Variants in GPM6B observed in about 807,000 individuals in gnomAD.
The protein encoded by GPM6B is glycoprotein M6B.
Under a neutral mutation model 27.2 loss-of-function variants are expected in GPM6B, and 4 were observed. That is an observed-to-expected ratio of 0.15 (90% confidence interval 0.07 to 0.34). The LOEUF (loss-of-function observed/expected upper bound fraction) is 0.34, where lower values mean the gene tolerates loss of function less well. Among genes scored for constraint, GPM6B ranks in the 10% least tolerant of loss-of-function variants. GPM6B has a pLI of 1.00. For synonymous variants in GPM6B, 124 were observed against 103.1 expected, an observed-to-expected ratio of 1.20 and a Z score of -1.23; for missense variants, 183 against 261.9, an observed-to-expected ratio of 0.70 and a Z score of 2.08.
At chrX:13,907,619 G>A (rs1160479704) in intron 1 of GPM6B, among the ~76,000 whole-genome samples, 4 of 109,885 alleles carry the variant, frequency 3.6e-5, no homozygotes, top group South Asian at 3.9e-4. Flanking sequence ...GCAGTGAGCC[G>A]AGATCACACC....
At chrX:13,849,861 C>A (rs2049694096) in intron 1 of GPM6B, among the ~76,000 whole-genome samples, 1 of 110,100 alleles carries the variant, frequency 9.1e-6, no homozygotes, top group African/African-American at 3.3e-5. Context: ...GAGTTCGATA[C>A]CAGCCTGGCC....
chrX:13,921,581 C>CCTTT (rs1555932309), intron 1 of GPM6B, among the ~76,000 whole-genome samples: 1 of 92,821 alleles, frequency 1.1e-5, no homozygotes. Context: ...AACCCCCCCC[C>CCTTT]TTTTTTTTTT....
rs1362435489 is a variant in GPM6B at position 13,865,561 on chromosome X, AAGAAAG to A, written c.-198+72760_-198+72765del. 1.7e-3 allele frequency among the ~76,000 whole-genome samples: 102 copies of A among 61,616 alleles called. 2 individuals are homozygous for A. The highest frequency in any genetic ancestry group is 5.5e-3 in the African/African-American group (97 of 17,526). The allele number at this position is 61,616 out of a possible 115,157, so 53.5% of individuals were successfully genotyped here. ...TCTCTTCAAAAAAAAAAAAAAAAAA[AAGAAAG>A]AAAGAAAGAAAAGAAAAGAAAAAAA... On this transcript the variant is annotated intron_variant, in intron 1 of 6. Coordinates refer to the GPM6B transcript ENST00000398361.
chrX:13,828,124 C>T (rs1356467414), intron 1 of GPM6B, among the ~76,000 whole-genome samples: 2 of 111,434 alleles, frequency 1.8e-5, no homozygotes, highest in Non-Finnish European at 3.8e-5. Context: ...TTTTTCTAAT[C>T]TTTGTACATG....
At chrX:13,863,935 A>C (rs2147255608) in intron 1 of GPM6B, among the ~76,000 whole-genome samples, 1 of 112,912 alleles carries the variant, frequency 8.9e-6, no homozygotes, top group South Asian at 3.7e-4. Context: ...CATAAGTGAT[A>C]ATCAAATCAG....
intron 3 of GPM6B, among the ~76,000 whole-genome samples, chrX:13,785,281 A>T (rs1225947570): frequency 9.0e-6 from 1 of 111,483 alleles, no homozygotes; most frequent in Non-Finnish European, 1.9e-5. Context: ...TGCATCTCAG[A>T]TACTTTTTTT....
chrX:13,844,803 T>C (rs1285883271), intron 1 of GPM6B, among the ~76,000 whole-genome samples: 2 of 111,683 alleles, frequency 1.8e-5, no homozygotes, highest in East Asian at 2.8e-4. Flanking sequence ...GAGCTATCTA[T>C]GGCTTAGAGT....
intron 1 of GPM6B, among the ~76,000 whole-genome samples, chrX:13,929,337 T>A (rs1245437202): frequency 9.0e-6 from 1 of 111,073 alleles, no homozygotes; most frequent in African/African-American, 3.3e-5. Flanking sequence ...ATCGAGATGG[T>A]TTAGGCACCA....
intron 3 of GPM6B, among the ~76,000 whole-genome samples, chrX:13,785,403 C>T (rs1218674638): frequency 9.0e-6 from 1 of 111,302 alleles, no homozygotes; most frequent in African/African-American, 3.3e-5. Flanking sequence ...CTGCCTCAGC[C>T]TCCCAAGTAG....
At chrX:13,923,220 G>A (rs779964099) in intron 1 of GPM6B, among the ~76,000 whole-genome samples, 2 of 110,837 alleles carry the variant, frequency 1.8e-5, no homozygotes, top group Admixed American at 1.9e-4. Flanking sequence ...GTGCTGGCTA[G>A]TGGGGGATAC....
At chrX:13,793,902 G>A (rs1427242129) in intron 2 of GPM6B, among the ~76,000 whole-genome samples, 1 of 111,758 alleles carries the variant, frequency 8.9e-6, no homozygotes. Context: ...TGCAAACTCA[G>A]AATGATTTTG....
intron 1 of GPM6B, among the ~76,000 whole-genome samples, chrX:13,889,801 C>A (rs775174010): frequency 2.7e-4 from 29 of 108,288 alleles, no homozygotes; most frequent in African/African-American, 7.9e-4. Flanking sequence ...CATGAAATAA[C>A]TACTCCCCAT....
intron 1 of GPM6B, among the ~76,000 whole-genome samples, chrX:13,910,185 C>T (rs1319391552): frequency 8.9e-6 from 1 of 112,414 alleles, no homozygotes; most frequent in East Asian, 2.8e-4. Flanking sequence ...AAAAAGTATC[C>T]TTTCCATATC....
intron 1 of GPM6B, among the ~76,000 whole-genome samples, chrX:13,852,403 T>G (rs750062270): frequency 1.8e-5 from 2 of 111,483 alleles, no homozygotes; most frequent in Non-Finnish European, 3.8e-5. Context: ...AAAAAAAACT[T>G]AATAGGTAAT....
At chrX:13,879,040 A>C (rs1021555783) in intron 1 of GPM6B, among the ~76,000 whole-genome samples, 2 of 112,043 alleles carry the variant, frequency 1.8e-5, no homozygotes, top group Non-Finnish European at 3.8e-5. Context: ...GGACTATAAC[A>C]AATTTGCATT....
chrX:13,834,333 T>C (rs933116673), intron 1 of GPM6B, among the ~76,000 whole-genome samples: 1 of 112,800 alleles, frequency 8.9e-6, no homozygotes, highest in African/African-American at 3.2e-5. Flanking sequence ...CCTAAAGATA[T>C]ACATCTTTGC....
rs183189964 is a variant in GPM6B, at chrX:13,799,836, G to T, written c.181+7814C>A. Reference sequence around the variant, plus strand: ...GGTGAGGCTTTGAGAAAGTGAAGAGGTTATGATCATTAAGGAGATGGAGGA... The same window carrying T: ...GGTGAGGCTTTGAGAAAGTGAAGAGTTTATGATCATTAAGGAGATGGAGGA... On this transcript the variant is annotated intron_variant, in intron 2 of 7. Coordinates refer to ENST00000316715, the MANE Select transcript of GPM6B (RefSeq NM_001001995.3). 2.7e-5 allele frequency among the ~76,000 whole-genome samples: 3 copies of T among 111,044 alleles called. No individual in the cohort carries two copies. The East Asian group carries it at 8.5e-4, about 32-fold the overall frequency.
At position 13,816,927 on chromosome X, in the gene GPM6B, C is replaced by T. The variant is rs200941838; in HGVS notation, c.-23G>A. 5.9e-5 allele frequency: 70 copies of T among 1,180,644 alleles called. No homozygotes were observed. Among genetic ancestry groups the T allele is most frequent in the Non-Finnish European group, 7.4e-5 (65 of 882,340 alleles). On this transcript the variant is annotated 5_prime_UTR_variant, in exon 1 of 8. Transcript: ENST00000316715. ...CATACCATCCACCAAAAATGCTTTT[C>T]CCCCTGTTCCCCCCAACACACACTT...
intron 7 of GPM6B, chrX:13,774,093 A>C: frequency 1.3e-6 from 1 of 753,148 alleles, no homozygotes; most frequent in Non-Finnish European, 1.6e-6. Flanking sequence ...ACATATTTGC[A>C]AAGTATTTTC....
Sources: allele counts gnomAD v4.1 joint callset (sites outside exome capture counted in the v4.1 genomes callset), GRCh38; gene constraint gnomAD v4.1.1; transcripts MANE v1.5; gene names NCBI Gene and HGNC (gene_info 2026-07-23, HGNC 2026-07-21).